FHL2: variants seen among roughly 807,000 people sequenced by gnomAD.
FHL2 encodes four and a half LIM domains 2.
FHL2 carries 20 observed loss-of-function variants against 32.7 expected under a neutral mutation model. That is an observed-to-expected ratio of 0.61 (90% CI 0.43 to 0.89). FHL2 has a LOEUF of 0.89. FHL2 is among the 40% of genes least tolerant of loss of function. The probability of loss-of-function intolerance (pLI) is 0.00; values close to 1 mark genes in which losing one functional copy is unlikely to be tolerated. For missense variants in FHL2, 311 were observed against 358.6 expected, an observed-to-expected ratio of 0.87 and a Z score of 1.07; for synonymous variants, 123 against 128.1, an observed-to-expected ratio of 0.96 and a Z score of 0.27.
chr2:105,381,658 T>C (rs1214341901), intron 3 of FHL2, among the ~76,000 whole-genome samples: 1 of 152,198 alleles, frequency 6.6e-6, no homozygotes, highest in African/African-American at 2.4e-5. Context: ...AGGACCCTGC[T>C]TGATTAAATT....
chr2:105,378,417 G>T, intron 3 of FHL2: 1 of 339,444 alleles, frequency 2.9e-6, no homozygotes, highest in Non-Finnish European at 5.8e-6. Flanking sequence ...AGGACAACCT[G>T]GTCTGCTATA....
At chr2:105,426,379 C>G (rs1235049547) in intron 1 of FHL2, among the ~76,000 whole-genome samples, 1 of 152,198 alleles carries the variant, frequency 6.6e-6, no homozygotes, top group African/African-American at 2.4e-5. Context: ...CTCCATAATT[C>G]AAGTCAAAAG....
intron 4 of FHL2, among the ~76,000 whole-genome samples, chr2:105,369,884 C>T (rs1003654557): frequency 2.2e-4 from 33 of 152,166 alleles, no homozygotes; most frequent in African/African-American, 8.0e-4. Context: ...ATGCACAGGG[C>T]ACCTGGAGCC....
intron 1 of FHL2, among the ~76,000 whole-genome samples, chr2:105,405,989 C>T (rs772631599): frequency 1.3e-5 from 2 of 152,240 alleles, no homozygotes; most frequent in Non-Finnish European, 2.9e-5. Flanking sequence ...TCTCCTGTGG[C>T]TAATTCTGCC....
In FHL2 at chr2:105,396,922, G is replaced by A. The variant is rs866448571; in HGVS notation, c.-75-225C>T. The A allele has an allele frequency of 2.9e-5, 15 of 511,290 alleles. No individual in the cohort carries two copies. The South Asian group carries it at 4.2e-4, about 14-fold the overall frequency. 31.7% of individuals were successfully genotyped at this position (511,290 alleles called of 1,614,324 possible). ...AGCCGCTTAGCGACTCAGGCCCGGT[G>A]CTGACAAAGGAGGCTGCCTGAGTCA... On this transcript the variant is annotated intron_variant, in intron 1 of 6. Coordinates refer to ENST00000530340, the MANE Select transcript of FHL2 (RefSeq NM_001318895.3).
At chr2:105,436,397 A>G (rs1684612853) in intron 1 of FHL2, among the ~76,000 whole-genome samples, 1 of 152,166 alleles carries the variant, frequency 6.6e-6, no homozygotes, top group African/African-American at 2.4e-5. Flanking sequence ...TTTACTTCTC[A>G]TCTATCCAAC....
intron 4 of FHL2, among the ~76,000 whole-genome samples, chr2:105,372,885 T>C (rs1681190908): frequency 6.6e-6 from 1 of 152,174 alleles, no homozygotes; most frequent in Non-Finnish European, 1.5e-5. Flanking sequence ...TTCCACATAT[T>C]TTTGTCCACT....
At chr2:105,367,133 T>C (rs1163442124) in intron 5 of FHL2, among the ~76,000 whole-genome samples, 2 of 152,174 alleles carry the variant, frequency 1.3e-5, no homozygotes, top group Non-Finnish European at 2.9e-5. Flanking sequence ...CTTTTCTCCT[T>C]TACTTTTCTT....
chr2:105,386,614 TC>T (rs1682340673), intron 2 of FHL2, 74 bp from the exon 3 acceptor site: 1 of 1,307,950 alleles, frequency 7.6e-7, no homozygotes, highest in African/African-American at 1.4e-5. Context: ...GCATTAACTG[TC>T]CCACTGTCTG....
At chr2:105,377,846 C>T (rs1681589081) in intron 3 of FHL2, 1 of 353,244 alleles carries the variant, frequency 2.8e-6, no homozygotes, top group Non-Finnish European at 5.6e-6. Flanking sequence ...GGAGGAGATC[C>T]TTGGCCTCTC....
chr2:105,406,444 C>A (rs976655691), intron 1 of FHL2, among the ~76,000 whole-genome samples: 4 of 129,236 alleles, frequency 3.1e-5, no homozygotes, highest in African/African-American at 1.2e-4. Context: ...AACTCGAGGG[C>A]TTTTTCTTAT....
intron 1 of FHL2, among the ~76,000 whole-genome samples, chr2:105,425,917 C>A (rs1414673429): frequency 2.0e-5 from 3 of 152,110 alleles, no homozygotes; most frequent in Non-Finnish European, 2.9e-5. Context: ...CGGTGCAGGT[C>A]CTTGGTGTGC....
intron 5 of FHL2, among the ~76,000 whole-genome samples, chr2:105,364,628 G>A (rs1680504654): frequency 6.6e-6 from 1 of 152,226 alleles, no homozygotes; most frequent in African/African-American, 2.4e-5. Flanking sequence ...AGAGAGGAGT[G>A]TAGGTGGCCT....
intron 3 of FHL2, among the ~76,000 whole-genome samples, chr2:105,384,327 T>C (rs1682131110): frequency 6.6e-6 from 1 of 151,986 alleles, no homozygotes; most frequent in African/African-American, 2.4e-5. Context: ...AGAGAGAGGG[T>C]GAAGCTTCTG....
intron 3 of FHL2, among the ~76,000 whole-genome samples, chr2:105,379,750 C>T (rs1681742853): frequency 2.0e-5 from 3 of 152,214 alleles, no homozygotes; most frequent in Admixed American, 2.0e-4. Flanking sequence ...CATACTCTGT[C>T]CCTGGCCTTT....
At chr2:105,419,473 C>T (rs1684035387) in intron 1 of FHL2, among the ~76,000 whole-genome samples, 1 of 152,146 alleles carries the variant, frequency 6.6e-6, no homozygotes, top group South Asian at 2.1e-4. Context: ...CATAAATTTC[C>T]CTTTGTGAAG....
In FHL2 at chr2:105,363,274, G is replaced by A. The variant is rs1218219091; in HGVS notation, c.688+11C>T. On this transcript the variant is annotated intron_variant, in intron 6 of 6. Coordinates refer to ENST00000530340, the MANE Select transcript of FHL2 (RefSeq NM_001318895.3). The stretch of plus-strand genomic sequence containing the variant: ...AATCGCCCCTGGAAATGGGAACCCC[G>A]GGACACTCACCGCTGATGGGGTTGG... 6 of 1,613,306 alleles carry A rather than the reference G, an allele frequency of 3.7e-6. No individual in the cohort carries two copies. Among genetic ancestry groups the A allele is most frequent in the African/African-American group, 2.7e-5 (2 of 75,034 alleles).
Position 105,363,441 on chromosome 2 carries a change from C to A in FHL2, c.532G>T (p.Glu178Ter). The A allele has an allele frequency of 6.2e-7, 1 of 1,611,676 alleles. No homozygotes were observed. Among genetic ancestry groups the A allele is most frequent in the Non-Finnish European group, 8.5e-7 (1 of 1,178,948 alleles). ...AAGCACTCCTTGTGCCAGGGCTGCT[C>A]CCGGTAAGTGACCCCTCCCGTGGTG... ...PITTGGVTYR[E>*]QPWHKECFVC... Residue 178 changes from glutamate (E) to a stop codon, truncating the protein, a stop_gained, in exon 6 of 7, where the codon GAG becomes TAG. Transcript: ENST00000530340. LOFTEE classifies it high-confidence loss of function.
intron 1 of FHL2, among the ~76,000 whole-genome samples, chr2:105,408,266 C>T (rs1683695827): frequency 6.6e-6 from 1 of 152,198 alleles, no homozygotes; most frequent in South Asian, 2.1e-4. Context: ...TGGTATTTTC[C>T]CCTCACTTGC....
Sources: gnomAD v4.1 joint callset for allele counts (sites outside exome capture counted in the v4.1 genomes callset) on GRCh38, gnomAD v4.1.1 for gene constraint, MANE v1.5 for transcripts, NCBI Gene and HGNC (gene_info 2026-07-23, HGNC 2026-07-21) for gene names.